KIF11: variants seen among roughly 807,000 people sequenced by gnomAD.
KIF11 encodes kinesin-like protein KIF11.
KIF11 carries 9 observed loss-of-function variants against 121.0 expected under a neutral mutation model. That is an observed-to-expected ratio of 0.07 (90% CI 0.04 to 0.13). The LOEUF (loss-of-function observed/expected upper bound fraction) is 0.13, where lower values mean the gene tolerates loss of function less well. Ranked by LOEUF, KIF11 falls within the 10% of genes least tolerant of loss-of-function variation. The pLI, the probability that KIF11 is intolerant of heterozygous loss-of-function variation, is 1.00. For synonymous variants in KIF11, 408 were observed against 421.0 expected, an observed-to-expected ratio of 0.97 and a Z score of 0.38; for missense variants, 846 against 1,217.5, an observed-to-expected ratio of 0.69 and a Z score of 4.54.
chr10:92,609,577 T>G, intron 6 of KIF11, 68 bp downstream of exon 6: 1 of 1,507,902 alleles, frequency 6.6e-7, no homozygotes, highest in African/African-American at 1.4e-5. Context: ...TTGGAGAAAG[T>G]CAAATTGGGG....
intron 4 of KIF11, among the ~76,000 whole-genome samples, chr10:92,608,227 TCAGCCTCCTG>T (rs966063249): frequency 6.6e-6 from 1 of 151,640 alleles, no homozygotes; most frequent in Non-Finnish European, 1.5e-5. Context: ...TCCTCCCACT[TCAGCCTCCTG>T]AGTAGCTGGG....
intron 8 of KIF11, 142 bp from the exon 9 acceptor site, chr10:92,616,595 A>G: frequency 2.1e-6 from 1 of 486,536 alleles, no homozygotes; most frequent in Non-Finnish European, 3.6e-6. Context: ...AAGGTTGGGC[A>G]TAGTGGTCTT....
At chr10:92,604,133 C>G (rs1425512251) in intron 1 of KIF11, among the ~76,000 whole-genome samples, 1 of 152,116 alleles carries the variant, frequency 6.6e-6, no homozygotes, top group Admixed American at 6.6e-5. Context: ...TTAGTGTGAG[C>G]AGCCGAAACT....
intron 1 of KIF11, among the ~76,000 whole-genome samples, chr10:92,597,597 T>C (rs1348005480): frequency 1.1e-4 from 17 of 152,048 alleles, no homozygotes; most frequent in Non-Finnish European, 2.9e-5. Flanking sequence ...TCTTGCACTA[T>C]GATGGAGAAA....
At chr10:92,611,768 G>T (rs1337860288) in intron 6 of KIF11, among the ~76,000 whole-genome samples, 3 of 152,038 alleles carry the variant, frequency 2.0e-5, no homozygotes, top group Non-Finnish European at 4.4e-5. Context: ...GTGTGGTGGC[G>T]TGTGCCTGTA....
chr10:92,623,148 C>G (rs1844636025), intron 10 of KIF11, among the ~76,000 whole-genome samples: 1 of 152,152 alleles, frequency 6.6e-6, no homozygotes, highest in Non-Finnish European at 1.5e-5. Flanking sequence ...TGTGTAACCA[C>G]CACTGCAATC....
At chr10:92,631,749 C>T (rs1844741328) in intron 12 of KIF11, among the ~76,000 whole-genome samples, 1 of 151,692 alleles carries the variant, frequency 6.6e-6, no homozygotes, top group Non-Finnish European at 1.5e-5. Context: ...CATCTCAGTT[C>T]ACTGTAACCT....
rs763299702 is a variant in KIF11 at position 92,628,853 on chromosome 10, A to G, written c.1263A>G (p.Glu421=). The stretch of plus-strand genomic sequence containing the variant: ...CTGTTCAAGAAGAGCAGATTGTAGA[A>G]TTGATTGAAAAAATTGGTGCTGTTG... ...KLTVQEEQIV[E]LIEKIGAVEE... Residue 421 remains glutamate, a synonymous_variant, in exon 11 of 22, where the codon GAA becomes GAG. Coordinates refer to ENST00000260731, the MANE Select transcript of KIF11 (RefSeq NM_004523.4). 6.2e-7 allele frequency: 1 copy of G among 1,605,224 alleles called. No homozygotes were observed. The highest frequency in any genetic ancestry group is 1.7e-5 in the Admixed American group (1 of 59,868).
chr10:92,632,609 A>G lies in KIF11; in HGVS notation c.1618A>G (p.Ser540Gly), dbSNP rs572919816. The change falls in exon 13 of 22, where the codon AGT (serine) becomes GGT (glycine). Residue 540 changes from serine to glycine, a missense_variant. By Grantham distance (56) the Ser-to-Gly change is moderately conservative. Transcript: ENST00000260731. ...AQDIFGKNLN[S>G]LFNNMEELIK... Reference sequence around the variant, plus strand: ...GGATATTTTTGGCAAAAACCTGAATAGTCTGTTTAATAATATGGAAGAATT... The same window carrying G: ...GGATATTTTTGGCAAAAACCTGAATGGTCTGTTTAATAATATGGAAGAATT... 19 of 1,613,692 alleles carry G rather than the reference A, an allele frequency of 1.2e-5. No homozygotes were observed. In the South Asian group the frequency reaches 2.0e-4, roughly 17 times the overall value.
intron 9 of KIF11, among the ~76,000 whole-genome samples, chr10:92,618,701 G>A (rs1383310886): frequency 6.6e-6 from 1 of 150,610 alleles, no homozygotes. Flanking sequence ...ACATTTTGTT[G>A]AACTATAGAA....
At chr10:92,626,846 G>A (rs901485494) in intron 10 of KIF11, among the ~76,000 whole-genome samples, 13 of 152,124 alleles carry the variant, frequency 8.5e-5, no homozygotes, top group African/African-American at 2.7e-4. Context: ...TGCAAGCTCC[G>A]CCTCCTGGGT....
At chr10:92,607,874 G>A (rs1844446198) in intron 4 of KIF11, among the ~76,000 whole-genome samples, 1 of 151,914 alleles carries the variant, frequency 6.6e-6, no homozygotes, top group African/African-American at 2.4e-5. Flanking sequence ...TAGTTAATTG[G>A]TCGGGCACGG....
At chr10:92,616,867 G>A in intron 9 of KIF11, 35 bp downstream of exon 9, 1 of 1,077,492 alleles carries the variant, frequency 9.3e-7, no homozygotes, top group Non-Finnish European at 1.3e-6. Context: ...ATGTAATCTT[G>A]TTTGACAAAT....
chr10:92,619,817 T>C (rs900191174), intron 9 of KIF11, among the ~76,000 whole-genome samples: 1 of 150,580 alleles, frequency 6.6e-6, no homozygotes, highest in Non-Finnish European at 1.5e-5. Context: ...ATTGCATATT[T>C]ATATATAACA....
At position 92,606,073 on chromosome 10, in the gene KIF11, T is replaced by C. The variant is rs545685484; in HGVS notation, c.78-192T>C. ...ATATCTTTGAACATTTAAAAAATTA[T>C]ATTTGTGAAACTTGAGACACTTATA... is the stretch of plus-strand genomic sequence containing the variant. On this transcript the variant is annotated intron_variant, in intron 1 of 21. Coordinates refer to ENST00000260731, the MANE Select transcript of KIF11 (RefSeq NM_004523.4). Among the ~76,000 whole-genome samples the C allele has an allele frequency of 1.2e-4, 18 of 152,338 alleles. No homozygotes were observed. The East Asian group carries it at 3.3e-3, about 28-fold the overall frequency.
At chr10:92,653,386 G>A (rs1049993609) in intron 21 of KIF11, among the ~76,000 whole-genome samples, 6 of 152,164 alleles carry the variant, frequency 3.9e-5, no homozygotes, top group Non-Finnish European at 5.9e-5. Context: ...ACTCCCTGAT[G>A]AGAACCACTA....
intron 8 of KIF11, among the ~76,000 whole-genome samples, chr10:92,614,831 C>T (rs977533628): frequency 3.3e-5 from 5 of 152,018 alleles, no homozygotes; most frequent in Admixed American, 6.5e-5. Context: ...TTGCCAAGGC[C>T]GCAGTACAGT....
At chr10:92,618,223 A>T (rs1844579619) in intron 9 of KIF11, among the ~76,000 whole-genome samples, 1 of 150,996 alleles carries the variant, frequency 6.6e-6, no homozygotes, top group Admixed American at 6.6e-5. Context: ...CCTTAATGAG[A>T]TATGATTTGC....
chr10:92,640,262 T>C (rs868057764), intron 17 of KIF11, among the ~76,000 whole-genome samples: 1 of 152,210 alleles, frequency 6.6e-6, no homozygotes, highest in African/African-American at 2.4e-5. Flanking sequence ...ATGCCTGTTA[T>C]TGCAAATAAT....
Sources: gnomAD v4.1 joint callset for allele counts (sites outside exome capture counted in the v4.1 genomes callset) on GRCh38, gnomAD v4.1.1 for gene constraint, MANE v1.5 for transcripts, NCBI Gene and HGNC (gene_info 2026-07-23, HGNC 2026-07-21) for gene names.